PTPRD: variants seen among roughly 807,000 people sequenced by gnomAD.
The protein encoded by PTPRD is receptor-type tyrosine-protein phosphatase delta.
PTPRD carries 34 observed loss-of-function variants against 214.5 expected under a neutral mutation model. The observed-to-expected ratio is 0.16, with a 90% CI of 0.12 to 0.21. The LOEUF (loss-of-function observed/expected upper bound fraction) is 0.21, where lower values mean the gene tolerates loss of function less well. PTPRD is among the 10% of genes least tolerant of loss of function. The pLI is 1.00. For missense variants in PTPRD, 2,545 were observed against 2,398.7 expected (o/e 1.06, Z -1.27); for synonymous variants, 1,128 against 845.7 (o/e 1.33, Z -5.79).
chr9:10,499,953 A>G (rs2043168692), intron 2 of PTPRD, among the ~76,000 whole-genome samples: 1 of 151,952 alleles, frequency 6.6e-6, no homozygotes, highest in Non-Finnish European at 1.5e-5. Flanking sequence ...GGATGGATGA[A>G]AAGTCTCATA....
intron 6 of PTPRD, among the ~76,000 whole-genome samples, chr9:9,759,566 T>C (rs1565044808): frequency 6.7e-6 from 1 of 148,226 alleles, no homozygotes; most frequent in Non-Finnish European, 1.5e-5. Context: ...TTTTTTTTTT[T>C]TTTTTTTTTG....
chr9:8,345,150 G>A (rs765522304), intron 39 of PTPRD, among the ~76,000 whole-genome samples: 3 of 151,942 alleles, frequency 2.0e-5, no homozygotes, highest in South Asian at 2.1e-4. Context: ...AGCTTTCTGC[G>A]TTCACATTTA....
intron 9 of PTPRD, among the ~76,000 whole-genome samples, chr9:9,190,446 T>G (rs10465100): frequency 0.17 from 26,457 of 151,956 alleles, 2,919 homozygotes; most frequent in South Asian, 0.32. Flanking sequence ...TTCCGCATTT[T>G]CTCTTGCAGC....
chr9:9,017,662 A>G (rs756386002), intron 11 of PTPRD, among the ~76,000 whole-genome samples: 3 of 152,190 alleles, frequency 2.0e-5, no homozygotes, highest in Non-Finnish European at 2.9e-5. Context: ...TCATTTAAAC[A>G]TGGCTTAAAT....
Position 9,310,962 on chromosome 9 carries a change from T to A in PTPRD, c.-203+86487A>T, listed in dbSNP as rs1380891829. 2.0e-5 allele frequency among the ~76,000 whole-genome samples: 3 copies of A among 149,634 alleles called. No homozygotes were observed. The East Asian group carries it at 5.8e-4, about 29-fold the overall frequency. On this transcript the variant is annotated intron_variant, in intron 9 of 45. Coordinates refer to ENST00000381196, the MANE Select transcript of PTPRD (RefSeq NM_002839.4). ...ATAAATAAATAAATAAATAAATAAA[T>A]AACATTCTCGGTGGGAGGCCCATCT... is the stretch of plus-strand genomic sequence containing the variant.
chr9:10,173,934 T>G (rs1012421546), intron 3 of PTPRD, among the ~76,000 whole-genome samples: 3 of 152,150 alleles, frequency 2.0e-5, no homozygotes, highest in African/African-American at 7.2e-5. Flanking sequence ...GTCATACTTA[T>G]GTACTGAATT....
At chr9:8,328,272 T>C (rs11552677) in intron 44 of PTPRD, among the ~76,000 whole-genome samples, 35,615 of 152,014 alleles carry the variant, frequency 0.23, 4,543 homozygotes, top group Middle Eastern at 0.4. Flanking sequence ...CTCCTTCACT[T>C]ATGAAGCTTA....
chr9:10,319,515 T>A (rs1185562083), intron 3 of PTPRD, among the ~76,000 whole-genome samples: 1 of 152,074 alleles, frequency 6.6e-6, no homozygotes, highest in Non-Finnish European at 1.5e-5. Context: ...ATATTTTTTG[T>A]AAGGGGAAAC....
rs573203095 is a variant in PTPRD, at chr9:10,324,669, C to G, written c.-545+16294G>C. Among the ~76,000 whole-genome samples the G allele has an allele frequency of 7.2e-5, 11 of 152,098 alleles. No individual in the cohort carries two copies. In the South Asian group the frequency reaches 2.1e-3, roughly 29 times the overall value. On this transcript the variant is annotated intron_variant, in intron 3 of 45. Coordinates refer to ENST00000381196, the MANE Select transcript of PTPRD (RefSeq NM_002839.4). The stretch of plus-strand genomic sequence containing the variant: ...AATGCAGCGCATTTTCTGATAGAAT[C>G]TGCTGTGATCTAGGGTATTCCTATT...
intron 11 of PTPRD, among the ~76,000 whole-genome samples, chr9:8,754,256 A>G (rs2093788262): frequency 6.6e-6 from 1 of 152,252 alleles, no homozygotes; most frequent in African/African-American, 2.4e-5. Context: ...TAGAAAAACT[A>G]ATTTTATAAT....
At chr9:9,988,946 G>A (rs2095813417) in intron 4 of PTPRD, among the ~76,000 whole-genome samples, 1 of 129,650 alleles carries the variant, frequency 7.7e-6, no homozygotes, top group African/African-American at 2.9e-5. Context: ...CTGGACCAAT[G>A]ACTGTACAAC....
At chr9:9,641,474 C>T (rs968291643) in intron 7 of PTPRD, among the ~76,000 whole-genome samples, 4 of 152,038 alleles carry the variant, frequency 2.6e-5, no homozygotes, top group Admixed American at 6.6e-5. Flanking sequence ...GCACACTCCC[C>T]GCTAGAAATG....
intron 7 of PTPRD, among the ~76,000 whole-genome samples, chr9:9,586,707 T>C (rs1446495630): frequency 1.3e-5 from 2 of 151,992 alleles, no homozygotes; most frequent in Admixed American, 6.6e-5. Flanking sequence ...GAAAGAGATA[T>C]AGTCAGAGAA....
chr9:8,413,875 A>G (rs956056022), intron 35 of PTPRD, among the ~76,000 whole-genome samples: 1 of 152,158 alleles, frequency 6.6e-6, no homozygotes, highest in African/African-American at 2.4e-5. Flanking sequence ...TTAGTTTTAC[A>G]TTGTAAAATT....
chr9:10,073,379 T>A (rs560852998), intron 3 of PTPRD, among the ~76,000 whole-genome samples: 1 of 152,138 alleles, frequency 6.6e-6, no homozygotes, highest in Non-Finnish European at 1.5e-5. Flanking sequence ...AAATTTCACA[T>A]AAATACTATA....
intron 3 of PTPRD, among the ~76,000 whole-genome samples, chr9:10,313,163 C>T (rs961922347): frequency 1.1e-4 from 17 of 151,962 alleles, no homozygotes; most frequent in African/African-American, 3.6e-4. Context: ...TGAAAGGAGC[C>T]TACATAAGAG....
intron 11 of PTPRD, among the ~76,000 whole-genome samples, chr9:8,741,672 C>A (rs1287862317): frequency 1.5e-5 from 2 of 135,926 alleles, no homozygotes; most frequent in Non-Finnish European, 3.0e-5. Context: ...CAACCCCCAA[C>A]CCCCACTTCC....
In PTPRD at chr9:9,121,149, C is replaced by A. The variant is rs528324522; in HGVS notation, c.-143+62155G>T. On this transcript the variant is annotated intron_variant, in intron 10 of 45. Coordinates refer to ENST00000381196, the MANE Select transcript of PTPRD (RefSeq NM_002839.4). Reference sequence around the variant, plus strand: ...AGTAAACAGAACATAAGAAACATGGCATAGATGCTGTCATAGTCACCAACT... The same window carrying A: ...AGTAAACAGAACATAAGAAACATGGAATAGATGCTGTCATAGTCACCAACT... 3.1e-4 allele frequency among the ~76,000 whole-genome samples: 47 copies of A among 152,246 alleles called. 1 individual carries two copies. The South Asian group carries it at 9.3e-3, about 30-fold the overall frequency.
At chr9:10,053,304 C>A (rs1317705157) in intron 3 of PTPRD, among the ~76,000 whole-genome samples, 1 of 152,114 alleles carries the variant, frequency 6.6e-6, no homozygotes, top group Non-Finnish European at 1.5e-5. Flanking sequence ...AAGCCCAATG[C>A]CTTATTTCTG....
Sources: allele counts gnomAD v4.1 joint callset (sites outside exome capture counted in the v4.1 genomes callset), GRCh38; gene constraint gnomAD v4.1.1; transcripts MANE v1.5; gene names NCBI Gene and HGNC (gene_info 2026-07-23, HGNC 2026-07-21).